LOXHD1: variants seen among roughly 807,000 people sequenced by gnomAD.
LOXHD1 encodes lipoxygenase homology domain-containing protein 1.
Under a neutral mutation model 248.2 loss-of-function variants are expected in LOXHD1, and 205 were observed. The ratio of observed to expected loss-of-function variants is 0.83; its 90% confidence interval spans 0.74 to 0.93. The LOEUF is 0.93. Among genes scored for constraint, LOXHD1 ranks in the 40% least tolerant of loss-of-function variants. The pLI is 0.00. For synonymous variants in LOXHD1, 1,113 were observed against 1,162.8 expected, an observed-to-expected ratio of 0.96 and a Z score of 0.87; for missense variants, 2,930 against 2,971.6, an observed-to-expected ratio of 0.99 and a Z score of 0.33.
intron 25 of LOXHD1, 131 bp from the exon 26 acceptor site, chr18:46,538,468 C>A: frequency 1.1e-6 from 1 of 909,730 alleles, no homozygotes; most frequent in Non-Finnish European, 1.7e-6. Context: ...CGGGGAACTG[C>A]TGCTCAGGGA....
intron 18 of LOXHD1, among the ~76,000 whole-genome samples, chr18:46,561,145 G>T (rs2037522308): frequency 1.3e-5 from 2 of 152,044 alleles, no homozygotes; most frequent in Non-Finnish European, 2.9e-5. Context: ...CCCCAACCCT[G>T]AGCACATGGC....
chr18:46,568,833 T>C (rs2144077369), intron 16 of LOXHD1, among the ~76,000 whole-genome samples: 1 of 152,366 alleles, frequency 6.6e-6, no homozygotes, highest in South Asian at 2.1e-4. Flanking sequence ...GGTAGATTAC[T>C]GATTAAAGTC....
chr18:46,597,899 G>A lies in LOXHD1; in HGVS notation c.1134+3318C>T, dbSNP rs370884881. Among the ~76,000 whole-genome samples, 807 of 150,350 alleles carry A rather than the reference G, an allele frequency of 5.4e-3. 6 individuals carry two copies. Among genetic ancestry groups the A allele is most frequent in the African/African-American group, 0.019 (762 of 40,972 alleles). On this transcript the variant is annotated intron_variant, in intron 8 of 40. Transcript: ENST00000642948. ...AGCTTCCCAAGTAGCTGGGACAGGC[G>A]CCCGCCGCCACACCTGGCTAATTTT...
intron 29 of LOXHD1, among the ~76,000 whole-genome samples, chr18:46,528,857 C>T (rs1330863790): frequency 6.6e-6 from 1 of 152,162 alleles, no homozygotes; most frequent in Non-Finnish European, 1.5e-5. Flanking sequence ...CGTTCATGAA[C>T]CATGCACAGT....
At position 46,644,234 on chromosome 18, in the gene LOXHD1, A is replaced by G. The variant is rs546643140; in HGVS notation, c.246-2198T>C. On this transcript the variant is annotated intron_variant, in intron 2 of 40. Coordinates refer to ENST00000642948, the MANE Select transcript of LOXHD1 (RefSeq NM_001384474.1). ...TTCTGATGGTGCCTGAAATTTTAGA[A>G]ACAGCCATTGCCAGCAAGTAGGGGA... Among the ~76,000 whole-genome samples, 9 of 152,294 alleles carry G rather than the reference A, an allele frequency of 5.9e-5. No homozygotes were observed. The South Asian group carries it at 1.9e-3, about 32-fold the overall frequency.
chr18:46,491,354 A>G (rs2033460128), intron 37 of LOXHD1, among the ~76,000 whole-genome samples: 2 of 152,208 alleles, frequency 1.3e-5, no homozygotes, highest in African/African-American at 2.4e-5. Context: ...TTGTTAAACT[A>G]TAGGTTACTG....
At chr18:46,629,617 T>C (rs1412095140) in intron 4 of LOXHD1, among the ~76,000 whole-genome samples, 1 of 151,766 alleles carries the variant, frequency 6.6e-6, no homozygotes, top group African/African-American at 2.4e-5. Flanking sequence ...TGGAGCTGTG[T>C]GATAATCATT....
chr18:46,498,178 T>C (rs920089139), intron 37 of LOXHD1, among the ~76,000 whole-genome samples: 1 of 152,208 alleles, frequency 6.6e-6, no homozygotes, highest in African/African-American at 2.4e-5. Flanking sequence ...CCAACTTTAG[T>C]GTTAGGACTC....
At chr18:46,526,027 G>A (rs529415834) in intron 29 of LOXHD1, among the ~76,000 whole-genome samples, 1 of 152,258 alleles carries the variant, frequency 6.6e-6, no homozygotes, top group South Asian at 2.1e-4. Context: ...AAAGACCATG[G>A]CCAAGGCAGC....
chr18:46,645,790 A>G (rs943951079), intron 2 of LOXHD1, among the ~76,000 whole-genome samples: 1 of 152,130 alleles, frequency 6.6e-6, no homozygotes. Context: ...AAATCCTAAT[A>G]CAGCATTTGG....
chr18:46,482,579 C>A (rs1568069551), intron 40 of LOXHD1, among the ~76,000 whole-genome samples: 1 of 152,216 alleles, frequency 6.6e-6, no homozygotes, highest in South Asian at 2.1e-4. Flanking sequence ...GAGGTCAGAA[C>A]CTCTTCTGCC....
At position 46,485,121 on chromosome 18, in the gene LOXHD1, C is replaced by T. The variant is rs1335496981; in HGVS notation, c.6080G>A (p.Gly2027Glu). ...CCAGACGTTCTCCCTGGTTTCGCCTCCGTTGCCCGTTTCTATGACGATCTC... is the reference window on the plus strand; with the variant it reads ...CCAGACGTTCTCCCTGGTTTCGCCTTCGTTGCCCGTTTCTATGACGATCTC... ...TYEIVIETGN[G>E]GETRENVWLI... Residue 2027 changes from glycine to glutamate, a missense_variant, in exon 39 of 41, where the codon GGA becomes GAA. By Grantham distance (98) the Gly-to-Glu change is moderately conservative. Coordinates refer to ENST00000642948, the MANE Select transcript of LOXHD1 (RefSeq NM_001384474.1). The T allele has an allele frequency of 6.5e-7, 1 of 1,549,804 alleles. No individual in the cohort carries two copies. The highest frequency in any genetic ancestry group is 8.7e-7 in the Non-Finnish European group (1 of 1,146,478).
intron 2 of LOXHD1, among the ~76,000 whole-genome samples, chr18:46,647,357 C>A (rs2039044681): frequency 6.6e-6 from 1 of 152,078 alleles, no homozygotes; most frequent in African/African-American, 2.4e-5. Flanking sequence ...CCTGAGAAGA[C>A]CTTTTGACAA....
At chr18:46,530,686 T>C (rs555063750) in intron 28 of LOXHD1, among the ~76,000 whole-genome samples, 1 of 152,302 alleles carries the variant, frequency 6.6e-6, no homozygotes, top group African/African-American at 2.4e-5. Context: ...TAAAGTGATG[T>C]GAGTTGCTTG....
chr18:46,536,718 G>A (rs752956157), intron 26 of LOXHD1, among the ~76,000 whole-genome samples: 2 of 152,140 alleles, frequency 1.3e-5, no homozygotes, highest in African/African-American at 4.8e-5. Flanking sequence ...AAATTTTCTC[G>A]TTAAAAGACT....
Position 46,604,101 on chromosome 18 carries a change from T to C in LOXHD1, c.883+5A>G, listed in dbSNP as rs1019362442. The C allele has an allele frequency of 6.4e-7, 1 of 1,551,720 alleles. No homozygotes were observed. Among genetic ancestry groups the C allele is most frequent in the Non-Finnish European group, 8.7e-7 (1 of 1,146,966 alleles). The stretch of plus-strand genomic sequence containing the variant: ...CAAAAGAGCCTCCCCTTTCTTCAAA[T>C]CTACCTGTGGTCTCAGCTCCGCCCA... On this transcript the variant is annotated splice_donor_5th_base_variant and intron_variant, in intron 7 of 40. Transcript: ENST00000642948.
At chr18:46,562,721 G>A (rs191545833) in intron 18 of LOXHD1, among the ~76,000 whole-genome samples, 1 of 152,300 alleles carries the variant, frequency 6.6e-6, no homozygotes, top group African/African-American at 2.4e-5. Flanking sequence ...TCGGCAGCAT[G>A]TTAGTATCCC....
At chr18:46,487,004 T>A (rs2033105231) in intron 38 of LOXHD1, among the ~76,000 whole-genome samples, 1 of 152,130 alleles carries the variant, frequency 6.6e-6, no homozygotes, top group Non-Finnish European at 1.5e-5. Flanking sequence ...TGTTCACAGG[T>A]TGCTGGGAAG....
At chr18:46,559,214 C>T in intron 20 of LOXHD1, 1 of 1,486,088 alleles carries the variant, frequency 6.7e-7, no homozygotes, top group Non-Finnish European at 9.0e-7. Flanking sequence ...TCTGTTTGTT[C>T]CTGTGGGTCA....
Sources: gnomAD v4.1 joint callset for allele counts (sites outside exome capture counted in the v4.1 genomes callset) on GRCh38, gnomAD v4.1.1 for gene constraint, MANE v1.5 for transcripts, NCBI Gene and HGNC (gene_info 2026-07-23, HGNC 2026-07-21) for gene names.